TCAF1: variants seen among roughly 807,000 people sequenced by gnomAD.
TCAF1 encodes TRPM8 channel-associated factor 1.
Under a neutral mutation model 27.3 loss-of-function variants are expected in TCAF1, and 4 were observed. The ratio of observed to expected loss-of-function variants is 0.15; its 90% CI spans 0.07 to 0.34. The LOEUF (loss-of-function observed/expected upper bound fraction) is 0.34. TCAF1 is among the 10% of genes least tolerant of loss of function. The pLI, the probability that TCAF1 is intolerant of heterozygous loss-of-function variation, is 1.00. For missense variants in TCAF1, 257 were observed against 425.8 expected (o/e 0.60, Z 3.49); for synonymous variants, 105 against 167.1 (o/e 0.63, Z 2.87).
At chr7:143,880,838 CCT>C (rs1381671829) in intron 1 of TCAF1, among the ~76,000 whole-genome samples, 1 of 152,152 alleles carries the variant, frequency 6.6e-6, no homozygotes, top group African/African-American at 2.4e-5. Flanking sequence ...CCAAATGCTC[CCT>C]CTCTATGCCC....
At position 143,890,012 on chromosome 7, in the gene TCAF1, G is replaced by A. The variant is rs529238470; in HGVS notation, c.-15+11949C>T. On this transcript the variant is annotated intron_variant, in intron 1 of 8. Transcript: ENST00000479870. ...CCCATTTTTCTTTTTTTTTTGAGAC[G>A]GAGTCTCGCTCTGTTGCCCAGGCTG... 8.1e-5 allele frequency among the ~76,000 whole-genome samples: 12 copies of A among 147,954 alleles called. 1 individual carries two copies. The highest frequency in any genetic ancestry group is 2.2e-4 in the South Asian group (1 of 4,634).
intron 1 of TCAF1, among the ~76,000 whole-genome samples, chr7:143,886,840 C>T (rs927873181): frequency 6.7e-6 from 1 of 149,772 alleles, no homozygotes; most frequent in African/African-American, 2.5e-5. Flanking sequence ...CAGATGTGCG[C>T]GCCATCATGC....
At chr7:143,896,580 A>G (rs570733327) in intron 1 of TCAF1, among the ~76,000 whole-genome samples, 1 of 152,224 alleles carries the variant, frequency 6.6e-6, no homozygotes, top group South Asian at 2.1e-4. Context: ...AGCGAATTTA[A>G]AAGAATTGGC....
At chr7:143,883,854 T>C (rs1002097528) in intron 1 of TCAF1, among the ~76,000 whole-genome samples, 1 of 152,144 alleles carries the variant, frequency 6.6e-6, no homozygotes, top group Non-Finnish European at 1.5e-5. Context: ...CTCCTCTCTC[T>C]TGTGTATGTG....
intron 1 of TCAF1, among the ~76,000 whole-genome samples, chr7:143,894,298 A>G (rs879456481): frequency 6.6e-6 from 1 of 151,888 alleles, no homozygotes; most frequent in Non-Finnish European, 1.5e-5. Context: ...GAAAAATATA[A>G]TACTAATATC....
At chr7:143,886,056 A>T (rs1019038123) in intron 1 of TCAF1, among the ~76,000 whole-genome samples, 5 of 152,172 alleles carry the variant, frequency 3.3e-5, no homozygotes, top group Admixed American at 3.3e-4. Context: ...GGAACACGAG[A>T]CTTGACCATG....
At chr7:143,897,927 A>T (rs1394790423) in intron 1 of TCAF1, among the ~76,000 whole-genome samples, 1 of 152,114 alleles carries the variant, frequency 6.6e-6, no homozygotes, top group Admixed American at 6.5e-5. Flanking sequence ...ATTACATGCC[A>T]ATCTTAAATC....
chr7:143,889,631 A>T (rs558390485), intron 1 of TCAF1, among the ~76,000 whole-genome samples: 1 of 152,246 alleles, frequency 6.6e-6, no homozygotes, highest in Non-Finnish European at 1.5e-5. Context: ...GGCTACCAAG[A>T]GGCAGAAGTG....
At position 143,898,815 on chromosome 7, in the gene TCAF1, A is replaced by G. The variant is rs143232653; in HGVS notation, c.-15+3146T>C. 2.3e-3 allele frequency among the ~76,000 whole-genome samples: 346 copies of G among 152,296 alleles called. 1 individual carries two copies. The highest frequency in any genetic ancestry group is 7.5e-3 in the African/African-American group (311 of 41,556). On this transcript the variant is annotated intron_variant, in intron 1 of 8. Transcript: ENST00000479870. ...GCAGGTGTTGGAAACTTAATCCCCA[A>G]TGCAATGGTGTTAAGAGGTGGGCTT...
At position 143,859,953 on chromosome 7, in the gene TCAF1, TTACGGAA is replaced by T. The variant is rs1300197140; in HGVS notation, c.2167+248_2167+254del. 2.5e-3 allele frequency among the ~76,000 whole-genome samples: 93 copies of T among 37,394 alleles called. 4 individuals carry two copies. Among genetic ancestry groups the T allele is most frequent in the African/African-American group, 5.8e-3 (76 of 13,048 alleles). 24.5% of individuals were successfully genotyped at this position (37,394 alleles called of 152,430 possible). On this transcript the variant is annotated intron_variant, in intron 6 of 8. Coordinates refer to ENST00000479870, the MANE Select transcript of TCAF1 (RefSeq NM_014719.3). The stretch of plus-strand genomic sequence containing the variant: ...TATAATATATATTATATAATATATA[TTACGGAA>T]TATATATTATATAATATATATTATA...
In TCAF1 at chr7:143,876,629, A is replaced by T; in HGVS notation, c.-14-7T>A. 6.7e-7 allele frequency: 1 copy of T among 1,482,260 alleles called. No homozygotes were observed. Among genetic ancestry groups the T allele is most frequent in the Non-Finnish European group, 9.0e-7 (1 of 1,116,560 alleles). The allele number at this position is 1,482,260 out of a possible 1,614,324, so 91.8% of individuals were successfully genotyped here. ...GCCATGGCTCTATTGGTTTCTGCAG[A>T]GAAGAAAGCAAAGGCTCAGCTTAGC... On this transcript the variant is annotated splice_region_variant and splice_polypyrimidine_tract_variant and intron_variant, in intron 1 of 8. Coordinates refer to ENST00000479870, the MANE Select transcript of TCAF1 (RefSeq NM_014719.3).
chr7:143,865,166 A>T, intron 2 of TCAF1, among the ~76,000 whole-genome samples: 5 of 119,066 alleles, frequency 4.2e-5, no homozygotes, highest in Admixed American at 8.6e-5. Flanking sequence ...TTTATTTTTG[A>T]TTTTTTAATT....
intron 1 of TCAF1, among the ~76,000 whole-genome samples, chr7:143,889,908 T>A (rs1002262418): frequency 1.3e-5 from 2 of 152,180 alleles, no homozygotes; most frequent in African/African-American, 4.8e-5. Context: ...CAATGGGGAA[T>A]CATTAGGCAT....
At chr7:143,892,661 G>A (rs1562972099) in intron 1 of TCAF1, among the ~76,000 whole-genome samples, 1 of 151,472 alleles carries the variant, frequency 6.6e-6, no homozygotes, top group Non-Finnish European at 1.5e-5. Flanking sequence ...TTGCATGTTT[G>A]TGTCCCTCCA....
In TCAF1 at chr7:143,891,969, T is replaced by A. The variant is rs189773681; in HGVS notation, c.-15+9992A>T. The stretch of plus-strand genomic sequence containing the variant: ...AGAACACAACAGAATTCCTAAAAGA[T>A]GAAAGAAAAAGAAAAATCTGCCAAC... On this transcript the variant is annotated intron_variant, in intron 1 of 8. Transcript: ENST00000479870. Among the ~76,000 whole-genome samples, 705 of 151,746 alleles carry A rather than the reference T, an allele frequency of 4.6e-3. 18 individuals carry two copies. Among genetic ancestry groups the A allele is most frequent in the East Asian group, 1.6e-3 (8 of 5,154 alleles).
intron 6 of TCAF1, among the ~76,000 whole-genome samples, chr7:143,859,481 CTG>C (rs1187805376): frequency 2.8e-5 from 4 of 141,204 alleles, no homozygotes; most frequent in African/African-American, 1.1e-4. Context: ...CCATGTGAAT[CTG>C]TGTCACTATA....
Position 143,852,183 on chromosome 7 carries a change from AT to A in TCAF1, c.*1949del, listed in dbSNP as rs1270065286. On this transcript the variant is annotated 3_prime_UTR_variant, in exon 9 of 9. Coordinates refer to ENST00000479870, the MANE Select transcript of TCAF1 (RefSeq NM_014719.3). ...TATTTTGCTCTATAATTGGACCTGA[AT>A]TTTTTGACATATTGTTGATTTGTCT... 1 of 151,562 alleles carries A rather than the reference AT, an allele frequency of 6.6e-6. No homozygotes were observed. Among genetic ancestry groups the A allele is most frequent in the Non-Finnish European group, 1.5e-5 (1 of 67,942 alleles). 9.4% of individuals were successfully genotyped at this position (151,562 alleles called of 1,614,324 possible). A position where few individuals can be genotyped will look rare whatever the true frequency, so the allele number is the denominator to read the frequency against.
intron 1 of TCAF1, among the ~76,000 whole-genome samples, chr7:143,880,656 C>T (rs1351711733): frequency 6.6e-6 from 1 of 152,170 alleles, no homozygotes; most frequent in Non-Finnish European, 1.5e-5. Flanking sequence ...GTAGACTGAT[C>T]AACTGATCCT....
At chr7:143,900,148 C>T (rs1814050961) in intron 1 of TCAF1, among the ~76,000 whole-genome samples, 1 of 152,138 alleles carries the variant, frequency 6.6e-6, no homozygotes, top group Non-Finnish European at 1.5e-5. Flanking sequence ...AGGGAAGCTC[C>T]CACACAAGTG....
Sources: gnomAD v4.1 joint callset for allele counts (sites outside exome capture counted in the v4.1 genomes callset) on GRCh38, gnomAD v4.1.1 for gene constraint, MANE v1.5 for transcripts, NCBI Gene and HGNC (gene_info 2026-07-23, HGNC 2026-07-21) for gene names.